Variants in PTCHD4 observed in about 807,000 individuals in gnomAD.
PTCHD4 encodes patched domain-containing protein 4.
Under a neutral mutation model 58.1 loss-of-function variants are expected in PTCHD4, and 33 were observed. The ratio of observed to expected loss-of-function variants is 0.57; its 90% confidence interval spans 0.43 to 0.76. PTCHD4 has a LOEUF of 0.76. Among genes scored for constraint, PTCHD4 ranks in the 30% least tolerant of loss-of-function variants. The pLI is 0.00. For synonymous variants in PTCHD4, 478 were observed against 409.6 expected, an observed-to-expected ratio of 1.17 and a Z score of -2.02; for missense variants, 1,058 against 1,027.1, an observed-to-expected ratio of 1.03 and a Z score of -0.41.
intron 4 of PTCHD4, among the ~76,000 whole-genome samples, chr6:47,960,369 T>A (rs1188767212): frequency 6.6e-6 from 1 of 152,102 alleles, no homozygotes; most frequent in African/African-American, 2.4e-5. Flanking sequence ...TAAAATAACA[T>A]AAAATGCAAG....
chr6:47,978,799 C>T (rs1203117074), intron 4 of PTCHD4, among the ~76,000 whole-genome samples: 1 of 152,074 alleles, frequency 6.6e-6, no homozygotes, highest in Admixed American at 6.6e-5. Flanking sequence ...TTCCATGTTT[C>T]TTCAAATGTG....
intron 3 of PTCHD4, among the ~76,000 whole-genome samples, chr6:48,025,570 G>T (rs1338454386): frequency 6.6e-6 from 1 of 152,158 alleles, no homozygotes; most frequent in Non-Finnish European, 1.5e-5. Context: ...ATTATATAAA[G>T]AAAACAATCT....
intron 4 of PTCHD4, among the ~76,000 whole-genome samples, chr6:47,918,797 A>T (rs1381928000): frequency 6.6e-6 from 1 of 152,140 alleles, no homozygotes; most frequent in Non-Finnish European, 1.5e-5. Flanking sequence ...GGTTACATAG[A>T]TTAACTTTGA....
At chr6:48,108,143 C>T (rs532261372) in intron 1 of PTCHD4, among the ~76,000 whole-genome samples, 1 of 152,338 alleles carries the variant, frequency 6.6e-6, no homozygotes, top group East Asian at 1.9e-4. Context: ...TATAAATACA[C>T]ATGCACATGT....
intron 4 of PTCHD4, among the ~76,000 whole-genome samples, chr6:47,914,700 GTCTGTCTGTCTC>G (rs1317089360): frequency 5.2e-5 from 5 of 96,944 alleles, no homozygotes; most frequent in Non-Finnish European, 7.0e-5. Flanking sequence ...CTATCTGTCT[GTCTGTCTGTCTC>G]TCTGTCTGTC....
At position 47,874,826 on chromosome 6, in the gene PTCHD4, G is replaced by C. The variant is rs1219851827; in HGVS notation, c.*3477C>G. Among the ~76,000 whole-genome samples, 1 of 151,754 alleles carries C rather than the reference G, an allele frequency of 6.6e-6. No individual in the cohort carries two copies. Among genetic ancestry groups the C allele is most frequent in the African/African-American group, 2.4e-5 (1 of 41,374 alleles). On this transcript the variant is annotated 3_prime_UTR_variant, in exon 5 of 5. Transcript: ENST00000339488. Reference sequence around the variant, plus strand: ...GTTCATAGTAACTGCAAGAATTCCTGGGAAGACATCTAAACATGACTTTCA... The same window carrying C: ...GTTCATAGTAACTGCAAGAATTCCTCGGAAGACATCTAAACATGACTTTCA...
At chr6:47,879,999 C>T in intron 4 of PTCHD4, 63 bp from the exon 5 acceptor site, 1 of 1,262,518 alleles carries the variant, frequency 7.9e-7, no homozygotes. Flanking sequence ...CAAGTGAATT[C>T]CTTATAGTTT....
intron 4 of PTCHD4, among the ~76,000 whole-genome samples, chr6:47,932,248 A>T (rs149582180): frequency 1.7e-3 from 253 of 152,312 alleles, no homozygotes; most frequent in African/African-American, 5.3e-3. Flanking sequence ...CTCATATCTA[A>T]TAGTTGTGAC....
chr6:47,923,857 C>T (rs992928723), intron 4 of PTCHD4, among the ~76,000 whole-genome samples: 2 of 152,162 alleles, frequency 1.3e-5, no homozygotes, highest in Non-Finnish European at 2.9e-5. Flanking sequence ...CACCTCAGTT[C>T]TCTTGGCACG....
At chr6:47,889,989 T>C (rs1764325461) in intron 4 of PTCHD4, among the ~76,000 whole-genome samples, 1 of 152,126 alleles carries the variant, frequency 6.6e-6, no homozygotes, top group Non-Finnish European at 1.5e-5. Context: ...ATTTATTTTG[T>C]AGTTCTATGT....
At chr6:47,977,628 T>C (rs1767741787) in intron 4 of PTCHD4, among the ~76,000 whole-genome samples, 1 of 152,248 alleles carries the variant, frequency 6.6e-6, no homozygotes, top group Non-Finnish European at 1.5e-5. Context: ...CTAGAAACTT[T>C]AGATTATAAT....
intron 4 of PTCHD4, among the ~76,000 whole-genome samples, chr6:47,912,459 C>T (rs1279651976): frequency 6.6e-6 from 1 of 152,098 alleles, no homozygotes; most frequent in Non-Finnish European, 1.5e-5. Flanking sequence ...GTATCCTTGA[C>T]CATTGCGTCC....
rs893071607 is a variant in PTCHD4, at chr6:47,868,973, T to G, written c.*9330A>C. On this transcript the variant is annotated 3_prime_UTR_variant, in exon 5 of 5. Coordinates refer to ENST00000339488, the MANE Select transcript of PTCHD4 (RefSeq NM_001384253.1). ...AAAACATACGGCAAACTATATAAAA[T>G]GAAATATTACTAAGACTTCTTTGGT... Among the ~76,000 whole-genome samples the G allele has an allele frequency of 2.0e-5, 3 of 151,684 alleles. No individual in the cohort carries two copies. Among genetic ancestry groups the G allele is most frequent in the African/African-American group, 7.3e-5 (3 of 41,364 alleles).
intron 4 of PTCHD4, among the ~76,000 whole-genome samples, chr6:47,944,885 T>G (rs542076338): frequency 6.6e-6 from 1 of 152,186 alleles, no homozygotes; most frequent in South Asian, 2.1e-4. Flanking sequence ...CACTGAGAAA[T>G]TATAATAAAG....
At chr6:47,973,333 T>C (rs116205208) in intron 4 of PTCHD4, among the ~76,000 whole-genome samples, 1 of 152,318 alleles carries the variant, frequency 6.6e-6, no homozygotes, top group Non-Finnish European at 1.5e-5. Context: ...TTCAAACAAG[T>C]ACCCAAACAA....
Position 48,036,800 on chromosome 6 carries a change from C to T in PTCHD4, c.418-27686G>A, listed in dbSNP as rs572576195. Among the ~76,000 whole-genome samples, 287 of 152,234 alleles carry T rather than the reference C, an allele frequency of 1.9e-3. 2 individuals are homozygous for T. The highest frequency in any genetic ancestry group is 3.4e-3 in the Middle Eastern group (1 of 294). On this transcript the variant is annotated intron_variant, in intron 3 of 4. Coordinates refer to ENST00000339488, the MANE Select transcript of PTCHD4 (RefSeq NM_001384253.1). Reference sequence around the variant, plus strand: ...AGATCTACAATTAAGAACCAATTTTCTATTCATGAAATTGTGAGAAAGGAA... The same window carrying T: ...AGATCTACAATTAAGAACCAATTTTTTATTCATGAAATTGTGAGAAAGGAA...
intron 3 of PTCHD4, among the ~76,000 whole-genome samples, chr6:48,053,567 T>G (rs1010801199): frequency 3.3e-5 from 5 of 152,116 alleles, no homozygotes; most frequent in Admixed American, 2.6e-4. Context: ...CTATGAAAAT[T>G]TATTACTTTT....
At position 47,912,265 on chromosome 6, in the gene PTCHD4, T is replaced by G. The variant is rs1479502686; in HGVS notation, c.899-32329A>C. On this transcript the variant is annotated intron_variant, in intron 4 of 4. Transcript: ENST00000339488. ...TTCTTGATCTAGAAAAGGAAGAAAT[T>G]CCCACCCCCATCCCATCCCCCACCA... 4.6e-5 allele frequency among the ~76,000 whole-genome samples: 7 copies of G among 151,560 alleles called. No individual in the cohort carries two copies. The East Asian group carries it at 1.4e-3, about 29-fold the overall frequency.
intron 1 of PTCHD4, among the ~76,000 whole-genome samples, 28 bp from the exon 2 acceptor site, chr6:48,069,954 G>C (rs986306802): frequency 2.0e-5 from 3 of 151,982 alleles, no homozygotes; most frequent in African/African-American, 7.2e-5. Context: ...CGGGTGGGTA[G>C]AGGGAAACCT....
Sources: gnomAD v4.1 joint callset for allele counts (sites outside exome capture counted in the v4.1 genomes callset) on GRCh38, gnomAD v4.1.1 for gene constraint, MANE v1.5 for transcripts, NCBI Gene and HGNC (gene_info 2026-07-23, HGNC 2026-07-21) for gene names.